Variants in SYT14 observed in about 807,000 individuals in gnomAD.
The protein encoded by SYT14 is synaptotagmin 14.
In SYT14, 32 loss-of-function variants were observed where a neutral mutation model predicts 74.2. The observed-to-expected ratio is 0.43, with a 90% CI of 0.33 to 0.58. The LOEUF is 0.58. Among genes scored for constraint, SYT14 ranks in the 20% least tolerant of loss-of-function variants. SYT14 has a pLI of 0.05. For synonymous variants in SYT14, 298 were observed against 337.7 expected (o/e 0.88, Z 1.29); for missense variants, 791 against 981.8 (o/e 0.81, Z 2.60).
At chr1:209,991,847 AG>A (rs994001274) in intron 2 of SYT14, among the ~76,000 whole-genome samples, 1 of 152,074 alleles carries the variant, frequency 6.6e-6, no homozygotes, top group African/African-American at 2.4e-5. Flanking sequence ...AAAAAAAAAA[AG>A]TCAAATAACA....
intron 5 of SYT14, among the ~76,000 whole-genome samples, chr1:210,076,412 C>A (rs1421800708): frequency 6.6e-6 from 1 of 152,128 alleles, no homozygotes; most frequent in African/African-American, 2.4e-5. Flanking sequence ...AAAAATAAAT[C>A]TTGTACCCAT....
In SYT14 at chr1:210,012,585, A is replaced by C. The variant is rs2080106082; in HGVS notation, c.-485-1048A>C. ...TTTAAATGCCACATTAGGGAGTACA[A>C]AGTTTATTTACTAAGAAAGAGTGAT... is the stretch of plus-strand genomic sequence containing the variant. On this transcript the variant is annotated intron_variant, in intron 2 of 9. Coordinates refer to ENST00000637265, the Ensembl canonical transcript of SYT14. Among the ~76,000 whole-genome samples the C allele has an allele frequency of 2.0e-5, 3 of 152,180 alleles. No individual in the cohort carries two copies. In the South Asian group the frequency reaches 6.2e-4, roughly 32 times the overall value.
At chr1:210,023,542 C>T (rs545840382) in intron 5 of SYT14, among the ~76,000 whole-genome samples, 4 of 152,082 alleles carry the variant, frequency 2.6e-5, no homozygotes, top group African/African-American at 9.7e-5. Flanking sequence ...CGGGGCTTCA[C>T]CATATTGGCC....
chr1:209,968,167 A>G (rs1000661907), intron 2 of SYT14, among the ~76,000 whole-genome samples: 1 of 152,178 alleles, frequency 6.6e-6, no homozygotes, highest in South Asian at 2.1e-4. Context: ...CTGTGACAGA[A>G]TGTAGCCTCA....
chr1:209,954,300 T>C (rs866167658), intron 2 of SYT14, among the ~76,000 whole-genome samples: 1 of 152,196 alleles, frequency 6.6e-6, no homozygotes, highest in Non-Finnish European at 1.5e-5. Flanking sequence ...TCTTTTTTTT[T>C]CATGGCTTTT....
intron 5 of SYT14, among the ~76,000 whole-genome samples, chr1:210,031,602 G>T (rs181512525): frequency 6.6e-6 from 1 of 152,066 alleles, no homozygotes; most frequent in African/African-American, 2.4e-5. Context: ...ACCTATTCAG[G>T]TCGTCTGTTT....
At chr1:210,160,367 T>C (rs912272510) in intron 9 of SYT14, among the ~76,000 whole-genome samples, 2 of 150,754 alleles carry the variant, frequency 1.3e-5, no homozygotes, top group Admixed American at 6.6e-5. Context: ...AATGCTATGA[T>C]GTCCTGCTTA....
chr1:209,971,314 T>G (rs2079252467), intron 2 of SYT14, among the ~76,000 whole-genome samples: 1 of 152,170 alleles, frequency 6.6e-6, no homozygotes, highest in Non-Finnish European at 1.5e-5. Context: ...CGGCATAGCA[T>G]CATATCATCA....
intron 7 of SYT14, among the ~76,000 whole-genome samples, chr1:210,146,636 T>C (rs533002796): frequency 2.0e-5 from 3 of 151,820 alleles, no homozygotes; most frequent in Admixed American, 6.6e-5. Flanking sequence ...AGAAATGTGA[T>C]AGACTAGTAA....
chr1:210,065,961 G>A (rs2081288513), intron 5 of SYT14, among the ~76,000 whole-genome samples: 1 of 151,442 alleles, frequency 6.6e-6, no homozygotes, highest in African/African-American at 2.4e-5. Flanking sequence ...CCACCTATGA[G>A]TGAGAACGTG....
intron 7 of SYT14, among the ~76,000 whole-genome samples, chr1:210,137,627 G>T (rs1440174127): frequency 1.3e-4 from 20 of 148,706 alleles, no homozygotes; most frequent in Non-Finnish European, 3.0e-5. Context: ...AGGTTGATTT[G>T]AACCATGTTC....
At chr1:210,021,546 C>T (rs1351626489) in intron 5 of SYT14, among the ~76,000 whole-genome samples, 1 of 152,178 alleles carries the variant, frequency 6.6e-6, no homozygotes, top group African/African-American at 2.4e-5. Flanking sequence ...AGATGTGAAT[C>T]TGCTGTTCTC....
chr1:209,942,088 A>T (rs1004224826), intron 1 of SYT14, among the ~76,000 whole-genome samples: 2 of 152,192 alleles, frequency 1.3e-5, no homozygotes, highest in Non-Finnish European at 2.9e-5. Context: ...ATAGATGCTG[A>T]ACCTGTGGAT....
intron 2 of SYT14, among the ~76,000 whole-genome samples, chr1:209,977,470 A>C (rs2079389314): frequency 6.6e-6 from 1 of 152,134 alleles, no homozygotes; most frequent in Non-Finnish European, 1.5e-5. Flanking sequence ...TATGAAGCTT[A>C]ATTTGGCTGG....
exon 3 of SYT14, chr1:210,013,771 C>A: frequency 6.2e-7 from 1 of 1,611,586 alleles, no homozygotes; most frequent in Non-Finnish European, 8.5e-7. Flanking sequence ...GAATACAGTA[C>A]AAGGAAGAAT....
At chr1:210,085,309 A>G (rs761432738) in intron 5 of SYT14, among the ~76,000 whole-genome samples, 37 of 152,168 alleles carry the variant, frequency 2.4e-4, no homozygotes, top group South Asian at 2.1e-4. Flanking sequence ...CTACATCACA[A>G]TCATCATCTG....
intron 5 of SYT14, among the ~76,000 whole-genome samples, chr1:210,026,163 A>C (rs2080406946): frequency 6.6e-6 from 1 of 152,168 alleles, no homozygotes. Flanking sequence ...AAACATTAAA[A>C]TAATTTATTA....
intron 2 of SYT14, among the ~76,000 whole-genome samples, chr1:209,983,897 A>G (rs1324860045): frequency 6.6e-6 from 1 of 152,186 alleles, no homozygotes; most frequent in African/African-American, 2.4e-5. Context: ...GCAGTCATCT[A>G]TTTAGTGACC....
chr1:210,132,567 TTGTGTGTGTGTG>T (rs3031264), intron 7 of SYT14, among the ~76,000 whole-genome samples: 11 of 144,998 alleles, frequency 7.6e-5, no homozygotes, highest in South Asian at 2.3e-4. Context: ...ATTTTATATA[TTGTGTGTGTGTG>T]TGTGTGTGTG....
Sources: gnomAD v4.1 joint callset for allele counts (sites outside exome capture counted in the v4.1 genomes callset) on GRCh38, gnomAD v4.1.1 for gene constraint, MANE v1.5 for transcripts, NCBI Gene and HGNC (gene_info 2026-07-23, HGNC 2026-07-21) for gene names.